The following UBR3 variants were observed in gnomAD, a reference collection of about 807,000 sequenced individuals.
The protein encoded by UBR3 is ubiquitin protein ligase E3 component n-recognin 3, also known as E3 ubiquitin-protein ligase UBR3.
In UBR3, 85 loss-of-function variants were observed where a neutral mutation model predicts 243.2. The observed-to-expected ratio is 0.35, with a 90% CI of 0.29 to 0.42. The LOEUF is 0.42. Ranked by LOEUF, UBR3 falls within the 10% of genes least tolerant of loss-of-function variation. UBR3 has a pLI of 1.00. For missense variants in UBR3, 1,686 were observed against 2,300.8 expected, an observed-to-expected ratio of 0.73 and a Z score of 5.47; for synonymous variants, 748 against 799.8, an observed-to-expected ratio of 0.94 and a Z score of 1.09.
intron 1 of UBR3, among the ~76,000 whole-genome samples, chr2:169,859,600 G>T (rs949581956): frequency 6.6e-6 from 1 of 151,506 alleles, no homozygotes; most frequent in Non-Finnish European, 1.5e-5. Flanking sequence ...TTTTATTTTG[G>T]ATAATTTTTA....
In UBR3 at chr2:170,061,445, T is replaced by C; in HGVS notation, c.5019+2T>C. The C allele has an allele frequency of 6.2e-7, 1 of 1,609,680 alleles. No individual in the cohort carries two copies. Among genetic ancestry groups the C allele is most frequent in the Non-Finnish European group, 8.5e-7 (1 of 1,179,130 alleles). On this transcript the variant is annotated splice_donor_variant, in intron 35 of 38. Coordinates refer to ENST00000272793, the MANE Select transcript of UBR3 (RefSeq NM_172070.4). LOFTEE classifies it high-confidence loss of function. ...GGGGAAGATTTACCTAGCTGCCAGG[T>C]AGATAATTTGGGATATGTAAGAGGG...
At chr2:169,850,688 C>CA (rs1268974512) in intron 1 of UBR3, among the ~76,000 whole-genome samples, 21 of 151,902 alleles carry the variant, frequency 1.4e-4, no homozygotes, top group African/African-American at 4.6e-4. Flanking sequence ...ACTAAAAATA[C>CA]AAAAAATTAG....
Position 170,008,893 on chromosome 2 carries a change from C to T in UBR3, c.4320C>T (p.Thr1440=). 2 of 1,598,842 alleles carry T rather than the reference C, an allele frequency of 1.3e-6. No individual in the cohort carries two copies. The highest frequency in any genetic ancestry group is 1.1e-5 in the South Asian group (1 of 87,672). Residue 1440 remains threonine, a synonymous_variant, in exon 29 of 39, where the codon ACC becomes ACT. Transcript: ENST00000272793. ...AGAAATATAGAGACTATAGCAAGAC[C>T]CCGGGCTCACCAGACAATGATTTTC... The part of the protein sequence containing the change: ...TQKKYRDYSK[T]PGSPDNDFLF...
In UBR3 at chr2:169,925,767, C is replaced by G. The variant is rs1236933533; in HGVS notation, c.2151+20C>G. 2.0e-6 allele frequency: 3 copies of G among 1,534,746 alleles called. No homozygotes were observed. The highest frequency in any genetic ancestry group is 2.6e-6 in the Non-Finnish European group (3 of 1,139,394). On this transcript the variant is annotated intron_variant, in intron 14 of 38. Transcript: ENST00000272793. ...TTACAGGTAAGCCAGCTAGATAATG[C>G]AGATATACTTTAGAAGTGTCTCATT...
intron 35 of UBR3, among the ~76,000 whole-genome samples, chr2:170,071,175 A>G (rs2105454929): frequency 6.6e-6 from 1 of 152,312 alleles, no homozygotes; most frequent in East Asian, 1.9e-4. Flanking sequence ...CAGTTTTTAA[A>G]AATATTAAGC....
chr2:169,902,637 C>T (rs13016192), intron 8 of UBR3, among the ~76,000 whole-genome samples: 146,204 of 149,776 alleles, frequency 0.98, 71,445 homozygotes, highest in East Asian at 1. Flanking sequence ...TGAGATGGAG[C>T]CTTGCTCTGT....
At chr2:169,974,818 A>G (rs115327958) in intron 24 of UBR3, among the ~76,000 whole-genome samples, 1,815 of 152,202 alleles carry the variant, frequency 0.012, 32 homozygotes, top group African/African-American at 0.041. Flanking sequence ...TTTTAATTCT[A>G]CTTTTGCTGT....
At position 169,847,647 on chromosome 2, in the gene UBR3, C is replaced by G. The variant is rs371335235; in HGVS notation, c.545+19595C>G. Among the ~76,000 whole-genome samples the G allele has an allele frequency of 6.6e-5, 10 of 152,182 alleles. No individual in the cohort carries two copies. The East Asian group carries it at 1.2e-3, about 18-fold the overall frequency. ...TTACTATTTCCAGTGCTCTTTGTTT[C>G]TTTATGTAAGTTTCTATTTTTTCTA... is the stretch of plus-strand genomic sequence containing the variant. On this transcript the variant is annotated intron_variant, in intron 1 of 38. Coordinates refer to ENST00000272793, the MANE Select transcript of UBR3 (RefSeq NM_172070.4).
intron 24 of UBR3, among the ~76,000 whole-genome samples, chr2:169,962,247 AT>A (rs1212064319): frequency 4.0e-5 from 6 of 149,638 alleles, no homozygotes; most frequent in South Asian, 2.1e-4. Context: ...TTTCTTAAAA[AT>A]TTTTTTTTTT....
At chr2:170,049,690 C>T (rs2091172304) in intron 32 of UBR3, among the ~76,000 whole-genome samples, 1 of 152,162 alleles carries the variant, frequency 6.6e-6, no homozygotes, top group African/African-American at 2.4e-5. Flanking sequence ...AGAAGCCTTT[C>T]TATTGGATAT....
intron 23 of UBR3, among the ~76,000 whole-genome samples, chr2:169,953,971 T>C (rs1469757699): frequency 6.6e-6 from 1 of 152,206 alleles, no homozygotes; most frequent in Non-Finnish European, 1.5e-5. Flanking sequence ...TTCCATTTCT[T>C]CCATTGTGGC....
chr2:170,053,654 AG>A (rs1472059069), intron 32 of UBR3, among the ~76,000 whole-genome samples: 1 of 152,234 alleles, frequency 6.6e-6, no homozygotes, highest in East Asian at 1.9e-4. Flanking sequence ...TTATAGGTCT[AG>A]GCAAGAAAGG....
chr2:169,830,900 C>T (rs964619473), intron 1 of UBR3, among the ~76,000 whole-genome samples: 4 of 151,328 alleles, frequency 2.6e-5, no homozygotes, highest in African/African-American at 7.3e-5. Flanking sequence ...ATCAGGTTGT[C>T]GTGGATGAGA....
chr2:169,875,845 C>T lies in UBR3; in HGVS notation c.740C>T (p.Pro247Leu). ...DLNKVLQLLE[P>L]QISFLEDLTK... ...AACAAAGTCCTTCAGCTTTTGGAACCTCAAATTTCCTTTTTAGAAGACCTG... is the reference window on the plus strand; with the variant it reads ...AACAAAGTCCTTCAGCTTTTGGAACTTCAAATTTCCTTTTTAGAAGACCTG... The change falls in exon 3 of 39, where the codon CCT becomes CTT. Residue 247 changes from proline (P) to leucine (L), a missense_variant. Pro to Leu is a moderately conservative substitution (Grantham distance 98, BLOSUM62 -3). Transcript: ENST00000272793. 1 of 1,549,748 alleles carries T rather than the reference C, an allele frequency of 6.5e-7. No individual in the cohort carries two copies. The highest frequency in any genetic ancestry group is 8.7e-7 in the Non-Finnish European group (1 of 1,146,044).
At chr2:169,952,955 G>A (rs556883254) in intron 23 of UBR3, among the ~76,000 whole-genome samples, 19 of 152,104 alleles carry the variant, frequency 1.2e-4, no homozygotes, top group African/African-American at 4.6e-4. Flanking sequence ...GTTAATTAGT[G>A]GTCTCTCTTA....
Position 170,015,297 on chromosome 2 carries a change from G to C in UBR3, c.4384G>C (p.Glu1462Gln). The change falls in exon 30 of 39, where the codon GAA (glutamate) becomes CAA (glutamine). Residue 1462 changes from glutamate (E) to glutamine (Q), a missense_variant. Glu to Gln is a conservative substitution (Grantham distance 29, BLOSUM62 2). Coordinates refer to ENST00000272793, the MANE Select transcript of UBR3 (RefSeq NM_172070.4). ...TACTTACAGAACCAATTTAGAACTTGAATTGATTCATCGAGGAGGCAATTT... is the reference window on the plus strand; with the variant it reads ...TACTTACAGAACCAATTTAGAACTTCAATTGATTCATCGAGGAGGCAATTT... ...YSVARTNLEL[E>Q]LIHRGGNLCS... 1 of 1,610,314 alleles carries C rather than the reference G, an allele frequency of 6.2e-7. No individual in the cohort carries two copies. The highest frequency in any genetic ancestry group is 8.5e-7 in the Non-Finnish European group (1 of 1,178,138).
In UBR3 at chr2:169,872,392, T is replaced by C; in HGVS notation, c.685+17T>C. 5 of 1,417,530 alleles carry C rather than the reference T, an allele frequency of 3.5e-6. No homozygotes were observed. The highest frequency in any genetic ancestry group is 4.8e-6 in the Non-Finnish European group (5 of 1,050,442). The allele number at this position is 1,417,530 out of a possible 1,614,324, so 87.8% of individuals were successfully genotyped here. The stretch of plus-strand genomic sequence containing the variant: ...ATGAACCAGGTATGTTTTAATCTAC[T>C]TCTTGTTAGTACTCTTTTTAAATTG... On this transcript the variant is annotated intron_variant, in intron 2 of 38. Transcript: ENST00000272793.
At chr2:170,065,650 A>G (rs577191166) in intron 35 of UBR3, among the ~76,000 whole-genome samples, 20 of 152,150 alleles carry the variant, frequency 1.3e-4, no homozygotes, top group African/African-American at 4.8e-4. Context: ...TAGAGGCTTT[A>G]TGGTTGTGAT....
chr2:170,026,092 C>CT (rs1574415760), intron 30 of UBR3, among the ~76,000 whole-genome samples: 4 of 151,004 alleles, frequency 2.6e-5, no homozygotes, highest in South Asian at 2.1e-4. Flanking sequence ...ATGGCTTTTC[C>CT]TTTTTTTTAA....
Sources: gnomAD v4.1 joint callset for allele counts (sites outside exome capture counted in the v4.1 genomes callset) on GRCh38, gnomAD v4.1.1 for gene constraint, MANE v1.5 for transcripts, NCBI Gene and HGNC (gene_info 2026-07-23, HGNC 2026-07-21) for gene names.